The following MTSS1 variants were observed in gnomAD, a reference collection of about 807,000 sequenced individuals.
MTSS1 encodes protein MTSS 1.
Under a neutral mutation model 79.0 loss-of-function variants are expected in MTSS1, and 18 were observed. The ratio of observed to expected loss-of-function variants is 0.23; its 90% CI spans 0.16 to 0.34. The LOEUF is 0.34. Among genes scored for constraint, MTSS1 ranks in the 10% least tolerant of loss-of-function variants. The pLI, the probability that MTSS1 is intolerant of heterozygous loss-of-function variation, is 1.00. For synonymous variants in MTSS1, 341 were observed against 368.6 expected, an observed-to-expected ratio of 0.93 and a Z score of 0.86; for missense variants, 815 against 986.2, an observed-to-expected ratio of 0.83 and a Z score of 2.33.
chr8:124,560,078 C>T (rs925154013), intron 10 of MTSS1, among the ~76,000 whole-genome samples: 7 of 152,184 alleles, frequency 4.6e-5, no homozygotes, highest in Admixed American at 6.5e-5. Flanking sequence ...AGAGACTCCA[C>T]GGTGGACGGA....
intron 3 of MTSS1, among the ~76,000 whole-genome samples, chr8:124,628,102 G>A (rs573939405): frequency 6.6e-6 from 1 of 152,188 alleles, no homozygotes; most frequent in Non-Finnish European, 1.5e-5. Context: ...GGGAGATGGA[G>A]GTTGCAGTGA....
chr8:124,568,274 T>G, intron 7 of MTSS1, 105 bp downstream of exon 7: 1 of 1,347,102 alleles, frequency 7.4e-7, no homozygotes, highest in Non-Finnish European at 1.0e-6. Flanking sequence ...CCATCATGAT[T>G]CCTGACAGTA....
intron 3 of MTSS1, among the ~76,000 whole-genome samples, chr8:124,694,169 G>A (rs41398051): frequency 0.056 from 8,557 of 151,970 alleles, 432 homozygotes; most frequent in East Asian, 0.31. Context: ...AATAAAATTC[G>A]TACGCCTGTA....
chr8:124,559,416 C>T (rs6470249), intron 10 of MTSS1, among the ~76,000 whole-genome samples: 118,164 of 152,162 alleles, frequency 0.78, 46,025 homozygotes, highest in Middle Eastern at 0.8. Flanking sequence ...CTCATCAAGA[C>T]AGACTTTTAG....
At chr8:124,718,002 T>C (rs1832346742) in intron 1 of MTSS1, among the ~76,000 whole-genome samples, 1 of 152,124 alleles carries the variant, frequency 6.6e-6, no homozygotes, top group Non-Finnish European at 1.5e-5. Context: ...TGCTAACAAC[T>C]ACACACACGG....
chr8:124,641,715 C>T (rs1465955728), intron 3 of MTSS1, among the ~76,000 whole-genome samples: 1 of 152,164 alleles, frequency 6.6e-6, no homozygotes, highest in Non-Finnish European at 1.5e-5. Context: ...CAAATGGCCC[C>T]CCTAAAACAA....
At chr8:124,673,227 TCACTC>T (rs1824617703) in intron 3 of MTSS1, 1 of 151,624 alleles carries the variant, frequency 6.6e-6, no homozygotes, top group Non-Finnish European at 1.5e-5. Context: ...TCAGAGAAAA[TCACTC>T]CTTAGCTGGG....
chr8:124,553,748 C>A lies in MTSS1; in HGVS notation c.1568-56G>T. ...AGACAGCAGCTGTGCTTTTTTGATT[C>A]TTCTGGGCTGGGAGGACAAAAGGCA... is the stretch of plus-strand genomic sequence containing the variant. On this transcript the variant is annotated intron_variant, in intron 13 of 13. Transcript: ENST00000518547. The surrounding 1 kb of genome is among the most constrained non-coding windows in gnomAD (Gnocchi z 6.0). 2.0e-6 allele frequency: 3 copies of A among 1,498,720 alleles called. No homozygotes were observed. The highest frequency in any genetic ancestry group is 2.7e-6 in the Non-Finnish European group (3 of 1,104,100). The allele number at this position is 1,498,720 out of a possible 1,614,324, so 92.8% of individuals were successfully genotyped here.
At chr8:124,656,146 C>T (rs1820898415) in intron 3 of MTSS1, among the ~76,000 whole-genome samples, 1 of 152,188 alleles carries the variant, frequency 6.6e-6, no homozygotes, top group South Asian at 2.1e-4. Context: ...GATAGATCCC[C>T]GTTTTTCAGG....
chr8:124,716,614 G>A (rs1350512703), intron 1 of MTSS1, among the ~76,000 whole-genome samples: 1 of 152,174 alleles, frequency 6.6e-6, no homozygotes, highest in African/African-American at 2.4e-5. Context: ...TCAACAAAAA[G>A]TCTCCTGGGA....
intron 3 of MTSS1, among the ~76,000 whole-genome samples, chr8:124,627,964 A>C (rs1587408128): frequency 6.6e-6 from 1 of 152,152 alleles, no homozygotes; most frequent in Admixed American, 6.5e-5. Context: ...GTCAGGAGTT[A>C]GAGACCAGCC....
chr8:124,587,657 C>A (rs1429250465), intron 5 of MTSS1, among the ~76,000 whole-genome samples: 4 of 152,154 alleles, frequency 2.6e-5, no homozygotes, highest in African/African-American at 9.7e-5. Flanking sequence ...TGCCACCACG[C>A]CCAGCTAATT....
At chr8:124,555,190 C>A (rs1166875459) in intron 13 of MTSS1, among the ~76,000 whole-genome samples, 3 of 152,204 alleles carry the variant, frequency 2.0e-5, no homozygotes, top group African/African-American at 7.2e-5. Context: ...AAATTGGAGA[C>A]TGCTGTATAT....
At chr8:124,558,602 C>G (rs1237646435) in intron 10 of MTSS1, 11 of 1,379,018 alleles carry the variant, frequency 8.0e-6, no homozygotes, top group South Asian at 3.1e-5. Context: ...GAGCCCCACT[C>G]TTGGTGTCGA....
At chr8:124,589,598 G>A (rs762145398) in intron 5 of MTSS1, 22 bp downstream of exon 5, 82 of 1,595,908 alleles carry the variant, frequency 5.1e-5, no homozygotes, top group South Asian at 1.9e-4. Flanking sequence ...GCAGTGATGC[G>A]CTAGACATCT....
At chr8:124,637,082 T>C (rs544616596) in intron 3 of MTSS1, among the ~76,000 whole-genome samples, 2 of 152,110 alleles carry the variant, frequency 1.3e-5, no homozygotes, top group African/African-American at 4.8e-5. Context: ...ACCCAGGGAG[T>C]TGGACGTGTA....
chr8:124,559,849 C>A (rs983481804), intron 10 of MTSS1, among the ~76,000 whole-genome samples: 1 of 152,222 alleles, frequency 6.6e-6, no homozygotes, highest in African/African-American at 2.4e-5. Flanking sequence ...TCTGGCTTAA[C>A]CTCAGTTTGT....
chr8:124,600,444 C>G (rs1261854665), intron 3 of MTSS1, among the ~76,000 whole-genome samples: 1 of 152,170 alleles, frequency 6.6e-6, no homozygotes, highest in African/African-American at 2.4e-5. Context: ...AGCCTACAAC[C>G]CAGGTGTGAG....
At chr8:124,696,875 T>A (rs968879159) in intron 3 of MTSS1, among the ~76,000 whole-genome samples, 1 of 150,096 alleles carries the variant, frequency 6.7e-6, no homozygotes, top group Non-Finnish European at 1.5e-5. Flanking sequence ...GAAAAAAAAA[T>A]GTCAAAGCAG....
Sources: gnomAD v4.1 joint callset for allele counts (sites outside exome capture counted in the v4.1 genomes callset) on GRCh38, gnomAD v4.1.1 for gene constraint, Gnocchi (gnomAD v3.1) non-coding constraint, MANE v1.5 for transcripts, NCBI Gene and HGNC (gene_info 2026-07-23, HGNC 2026-07-21) for gene names.